The following MARCHF1 variants were observed in gnomAD, a reference collection of about 807,000 sequenced individuals.
MARCHF1 encodes the protein membrane associated ring-CH-type finger 1.
In MARCHF1, 40 loss-of-function variants were observed where a neutral mutation model predicts 54.2. That is an observed-to-expected ratio of 0.74 (90% confidence interval 0.57 to 0.96). The LOEUF is 0.96. Among genes scored for constraint, MARCHF1 ranks in the 40% least tolerant of loss-of-function variants. The pLI is 0.00. For synonymous variants in MARCHF1, 236 were observed against 236.3 expected, an observed-to-expected ratio of 1.00 and a Z score of 0.01; for missense variants, 586 against 656.5, an observed-to-expected ratio of 0.89 and a Z score of 1.17.
chr4:164,333,442 A>G lies in MARCHF1; in HGVS notation c.-323+50428T>C, dbSNP rs561284392. Among the ~76,000 whole-genome samples, 10 of 152,260 alleles carry G rather than the reference A, an allele frequency of 6.6e-5. No homozygotes were observed. The South Asian group carries it at 2.1e-3, about 32-fold the overall frequency. ...ACCACATTATGCTAATTCTCACAAT[A>G]TTTTAAATGATTTCATTATTATTAT... is the stretch of plus-strand genomic sequence containing the variant. On this transcript the variant is annotated intron_variant, in intron 1 of 9. Transcript: ENST00000514618.
At chr4:164,062,116 T>C (rs76397107) in intron 2 of MARCHF1, among the ~76,000 whole-genome samples, 11,989 of 152,306 alleles carry the variant, frequency 0.079, 555 homozygotes, top group Middle Eastern at 0.17. Flanking sequence ...ACAAGGTTCA[T>C]ATTTTCACCA....
At chr4:163,653,553 T>C (rs1743042492) in intron 5 of MARCHF1, among the ~76,000 whole-genome samples, 1 of 151,584 alleles carries the variant, frequency 6.6e-6, no homozygotes, top group Admixed American at 6.6e-5. Flanking sequence ...GTGATAGTGA[T>C]AGAGGAGGTG....
chr4:164,107,549 A>C (rs974775940), intron 2 of MARCHF1, among the ~76,000 whole-genome samples: 1 of 151,978 alleles, frequency 6.6e-6, no homozygotes, highest in Non-Finnish European at 1.5e-5. Flanking sequence ...TTTTAGTAGA[A>C]ACAGGGTTTC....
At chr4:163,552,025 G>A (rs917354295) in intron 8 of MARCHF1, among the ~76,000 whole-genome samples, 13 of 152,162 alleles carry the variant, frequency 8.5e-5, no homozygotes, top group Non-Finnish European at 1.5e-4. Context: ...CAAAACCTCA[G>A]ATATAATAGC....
intron 8 of MARCHF1, among the ~76,000 whole-genome samples, chr4:163,579,789 A>G (rs1740160735): frequency 6.6e-6 from 1 of 152,154 alleles, no homozygotes; most frequent in Non-Finnish European, 1.5e-5. Flanking sequence ...AGTCTTATAC[A>G]TTTGTGAATA....
intron 5 of MARCHF1, among the ~76,000 whole-genome samples, chr4:163,695,122 A>G (rs1291578072): frequency 2.0e-5 from 3 of 152,162 alleles, no homozygotes. Context: ...AAATCAGAAC[A>G]TTAAACACCT....
intron 2 of MARCHF1, among the ~76,000 whole-genome samples, chr4:164,063,948 A>T: frequency 6.6e-6 from 1 of 151,984 alleles, no homozygotes; most frequent in Non-Finnish European, 1.5e-5. Context: ...TTTTGTCAGG[A>T]TTCTTGAAGA....
chr4:163,903,737 A>G (rs890718937), intron 3 of MARCHF1, among the ~76,000 whole-genome samples: 4 of 151,926 alleles, frequency 2.6e-5, no homozygotes, highest in African/African-American at 9.7e-5. Context: ...CAGCCCCACA[A>G]GTAGCTTGGA....
intron 2 of MARCHF1, among the ~76,000 whole-genome samples, chr4:163,989,912 C>T (rs1752941357): frequency 6.6e-6 from 1 of 152,150 alleles, no homozygotes; most frequent in South Asian, 2.1e-4. Flanking sequence ...TACTCAAGTA[C>T]TGCTTATAAG....
At chr4:163,690,250 G>T (rs7699238) in intron 5 of MARCHF1, among the ~76,000 whole-genome samples, 19,636 of 152,176 alleles carry the variant, frequency 0.13, 2,486 homozygotes, top group African/African-American at 0.33. Flanking sequence ...AATTAAAATT[G>T]CTTTGACCTT....
At chr4:163,796,807 A>C (rs1389843595) in intron 4 of MARCHF1, among the ~76,000 whole-genome samples, 4 of 152,080 alleles carry the variant, frequency 2.6e-5, no homozygotes, top group African/African-American at 9.7e-5. Flanking sequence ...TGCATACTTA[A>C]TAACATATGC....
At chr4:164,007,630 T>TTCTC (rs373682455) in intron 2 of MARCHF1, among the ~76,000 whole-genome samples, 1,581 of 139,358 alleles carry the variant, frequency 0.011, 21 homozygotes, top group East Asian at 0.024. Flanking sequence ...TAGAATTTAT[T>TTCTC]TCTCTCTCTC....
rs1392528920 is a variant in MARCHF1 at position 164,276,947 on chromosome 4, T to TATATATATATATATATAGAG, written c.-323+106922_-323+106923insCTCTATATATATATATATAT. On this transcript the variant is annotated intron_variant, in intron 1 of 9. Transcript: ENST00000514618. ...ATGTCTCATATTCTATATATATATA[T>TATATATATATATATATAGAG]AGAGAGAGAGAGAGAGAGAGACAGA... Among the ~76,000 whole-genome samples the TATATATATATATATATAGAG allele has an allele frequency of 4.8e-4, 57 of 118,764 alleles. 1 individual carries two copies. Among genetic ancestry groups the TATATATATATATATATAGAG allele is most frequent in the East Asian group, 2.8e-3 (11 of 3,996 alleles). The allele number at this position is 118,764 out of a possible 152,430, so 77.9% of individuals were successfully genotyped here.
chr4:163,757,737 C>A (rs1417220446), intron 4 of MARCHF1, among the ~76,000 whole-genome samples: 1 of 152,082 alleles, frequency 6.6e-6, no homozygotes, highest in Non-Finnish European at 1.5e-5. Flanking sequence ...CCTATCTGAT[C>A]GTAAATTTTT....
chr4:164,140,239 C>CTA (rs70948702), intron 1 of MARCHF1, among the ~76,000 whole-genome samples: 73,243 of 147,258 alleles, frequency 0.5, 18,611 homozygotes, highest in South Asian at 0.57. Context: ...TACACACACA[C>CTA]TATATATATA....
At chr4:163,733,826 T>C (rs1182916798) in intron 4 of MARCHF1, among the ~76,000 whole-genome samples, 1 of 152,208 alleles carries the variant, frequency 6.6e-6, no homozygotes, top group African/African-American at 2.4e-5. Context: ...AACTGGCTTT[T>C]ATCAAAATAA....
intron 3 of MARCHF1, among the ~76,000 whole-genome samples, chr4:163,921,791 A>G (rs1209345605): frequency 1.3e-5 from 2 of 152,176 alleles, no homozygotes; most frequent in African/African-American, 4.8e-5. Context: ...GTTAGTTAAT[A>G]GACTTTGAAG....
At chr4:163,900,973 T>A (rs1447586697) in intron 3 of MARCHF1, among the ~76,000 whole-genome samples, 1 of 152,208 alleles carries the variant, frequency 6.6e-6, no homozygotes, top group Admixed American at 6.5e-5. Flanking sequence ...TTATGGCAGA[T>A]CCTGGCCTGT....
intron 5 of MARCHF1, among the ~76,000 whole-genome samples, chr4:163,660,270 G>A (rs534832077): frequency 2.0e-4 from 30 of 152,092 alleles, no homozygotes; most frequent in African/African-American, 6.7e-4. Flanking sequence ...GGATGAAGGT[G>A]GAAGCCATTA....
Sources: gnomAD v4.1 joint callset for allele counts (sites outside exome capture counted in the v4.1 genomes callset) on GRCh38, gnomAD v4.1.1 for gene constraint, MANE v1.5 for transcripts, NCBI Gene and HGNC (gene_info 2026-07-23, HGNC 2026-07-21) for gene names.